DUSP10: variants seen among roughly 807,000 people sequenced by gnomAD.
The protein encoded by DUSP10 is dual specificity phosphatase 10, also known as dual specificity protein phosphatase 10.
Under a neutral mutation model 30.8 loss-of-function variants are expected in DUSP10, and 14 were observed. That is an observed-to-expected ratio of 0.46 (90% CI 0.30 to 0.71). DUSP10 has a LOEUF of 0.71. Among genes scored for constraint, DUSP10 ranks in the 30% least tolerant of loss-of-function variants. The pLI is 0.08. For synonymous variants in DUSP10, 254 were observed against 250.4 expected (o/e 1.01, Z -0.14); for missense variants, 550 against 619.4 (o/e 0.89, Z 1.19).
chr1:221,706,259 A>G lies in DUSP10; in HGVS notation c.1019T>C (p.Leu340Pro). The change falls in exon 3 of 4, where the codon CTG becomes CCG. Residue 340 changes from leucine (L) to proline (P), a missense_variant. Physicochemically the swap from Leu to Pro is moderately conservative, Grantham distance 98 (BLOSUM62 -3). Transcript: ENST00000366899. This position sits in a 1 kb window ranked among gnomAD's most constrained non-coding sequence, Gnocchi z 4.6. ...FLGNEQDAQD[L>P]DTMQRLNIGY... ...GATGTTCAGCCGCTGCATGGTGTCC[A>G]GGTCCTGAGCATCCTGCTCATTGCC... The G allele has an allele frequency of 6.2e-7, 1 of 1,614,220 alleles. No homozygotes were observed. The highest frequency in any genetic ancestry group is 8.5e-7 in the Non-Finnish European group (1 of 1,180,032).
At chr1:221,731,758 A>G (rs1247316766) in intron 2 of DUSP10, among the ~76,000 whole-genome samples, 1 of 151,594 alleles carries the variant, frequency 6.6e-6, no homozygotes, top group Admixed American at 6.6e-5. Context: ...ACAGGTGTGC[A>G]CCACCATGCC....
Position 221,721,611 on chromosome 1 carries a change from C to A in DUSP10, c.812-15145G>T, listed in dbSNP as rs993492766. Among the ~76,000 whole-genome samples, 3 of 152,128 alleles carry A rather than the reference C, an allele frequency of 2.0e-5. No individual in the cohort carries two copies. The East Asian group carries it at 5.8e-4, about 29-fold the overall frequency. ...CTCCCTTAAATGTGACAAATGGGCA[C>A]CTTCCAGGGAGGGCTGAAATCCAAG... On this transcript the variant is annotated intron_variant, in intron 2 of 3. Transcript: ENST00000366899.
rs781667034 is a variant in DUSP10 at position 221,728,883 on chromosome 1, C to T, written c.811+10051G>A. 2.0e-5 allele frequency among the ~76,000 whole-genome samples: 3 copies of T among 152,244 alleles called. No individual in the cohort carries two copies. In the South Asian group the frequency reaches 6.2e-4, roughly 32 times the overall value. On this transcript the variant is annotated intron_variant, in intron 2 of 3. Transcript: ENST00000366899. ...GTGGGTTTATTAATGTGTGCAAAAG[C>T]AGGAAATATCATCCTTCTATCCACA...
chr1:221,734,208 G>A (rs1262485873), intron 2 of DUSP10, among the ~76,000 whole-genome samples: 1 of 152,202 alleles, frequency 6.6e-6, no homozygotes, highest in Non-Finnish European at 1.5e-5. Context: ...TTATGCTTTT[G>A]TTATGGGACA....
Position 221,732,490 on chromosome 1 carries a change from G to GA in DUSP10, c.811+6443dup, listed in dbSNP as rs560896560. On this transcript the variant is annotated intron_variant, in intron 2 of 3. Transcript: ENST00000366899. ...TCTGAACTGAAATCTCAAAATTCAA[G>GA]AAAAAAGGCATCAGTACTCAAAAAA... 1.6e-3 allele frequency among the ~76,000 whole-genome samples: 237 copies of GA among 152,074 alleles called. 1 individual carries two copies. The highest frequency in any genetic ancestry group is 5.5e-3 in the African/African-American group (229 of 41,498).
At position 221,739,031 on chromosome 1, in the gene DUSP10, C is replaced by G. The variant is rs1244116331; in HGVS notation, c.714G>C (p.Glu238Asp). 6.2e-7 allele frequency: 1 copy of G among 1,614,164 alleles called. No individual in the cohort carries two copies. The highest frequency in any genetic ancestry group is 1.7e-5 in the Admixed American group (1 of 60,022). Residue 238 changes from glutamate (E) to aspartate (D), a missense_variant, in exon 2 of 4, where the codon GAG (glutamate) becomes GAC (aspartate). Coordinates refer to ENST00000366899, the MANE Select transcript of DUSP10 (RefSeq NM_007207.6). ...IFSKEIIVYD[E>D]NTNEPSRVMP... is the part of the protein sequence containing the mutation. ...TCACTCGGCTTGGTTCATTGGTATT[C>G]TCATCATAAACTATAATTTCTTTGG...
At chr1:221,737,993 C>T (rs1034575793) in intron 2 of DUSP10, among the ~76,000 whole-genome samples, 3 of 152,156 alleles carry the variant, frequency 2.0e-5, no homozygotes, top group Admixed American at 6.5e-5. Flanking sequence ...TCTCTCACTA[C>T]CACCACCAGG....
chr1:221,714,866 T>A (rs1241223490), intron 2 of DUSP10, among the ~76,000 whole-genome samples: 1 of 152,218 alleles, frequency 6.6e-6, no homozygotes. Context: ...CTATTGTTTC[T>A]CTCAGATGAT....
At position 221,704,822 on chromosome 1, in the gene DUSP10, C is replaced by T. The variant is rs116977823; in HGVS notation, c.1183+1273G>A. ...TCAATATTCCATGGTCCTGTGCTGA[C>T]GGCATAATTAGCAAGGAAAACAGCT... On this transcript the variant is annotated intron_variant, in intron 3 of 3. Transcript: ENST00000366899. 9.1e-3 allele frequency among the ~76,000 whole-genome samples: 1,390 copies of T among 152,204 alleles called. 27 individuals carry two copies. The highest frequency in any genetic ancestry group is 0.06 in the East Asian group (313 of 5,178).
rs57370939 is a variant in DUSP10, at chr1:221,710,530, T to TA, written c.812-4065dup. ...TTGGGAAACTACCATTTTAAAGATC[T>TA]AAAAAAAAAAAAATCTGCTTAATAT... is the stretch of plus-strand genomic sequence containing the variant. On this transcript the variant is annotated intron_variant, in intron 2 of 3. Coordinates refer to ENST00000366899, the MANE Select transcript of DUSP10 (RefSeq NM_007207.6). Among the ~76,000 whole-genome samples the TA allele has an allele frequency of 3.8e-3, 557 of 146,390 alleles. 5 individuals carry two copies. Among genetic ancestry groups the TA allele is most frequent in the South Asian group, 0.013 (61 of 4,596 alleles).
intron 2 of DUSP10, among the ~76,000 whole-genome samples, chr1:221,713,067 T>C (rs1660988171): frequency 6.6e-6 from 1 of 152,232 alleles, no homozygotes; most frequent in Non-Finnish European, 1.5e-5. Flanking sequence ...TGCAGGAAGA[T>C]GACCAGAGAC....
intron 2 of DUSP10, chr1:221,736,705 C>T: frequency 4.2e-6 from 3 of 714,868 alleles, no homozygotes; most frequent in South Asian, 6.3e-5. Flanking sequence ...CAATTTTAGG[C>T]CATTCTCCCA....
At chr1:221,739,845 C>T (rs1661898108) in intron 1 of DUSP10, 58 bp from the exon 2 acceptor site, 3 of 1,448,596 alleles carry the variant, frequency 2.1e-6, no homozygotes, top group East Asian at 4.8e-5. Flanking sequence ...AAAAGGCAGT[C>T]TCATCCAATC....
At chr1:221,738,058 G>A (rs143209636) in intron 2 of DUSP10, among the ~76,000 whole-genome samples, 1 of 152,208 alleles carries the variant, frequency 6.6e-6, no homozygotes, top group African/African-American at 2.4e-5. Context: ...GTATCTGAGG[G>A]CAAAGAGGTG....
intron 2 of DUSP10, among the ~76,000 whole-genome samples, chr1:221,730,728 C>T (rs184279704): frequency 2.6e-4 from 39 of 152,168 alleles, no homozygotes; most frequent in Admixed American, 8.5e-4. Flanking sequence ...CAAAAACATA[C>T]GCTCAAAGTT....
At position 221,701,735 on chromosome 1, in the gene DUSP10, T is replaced by G. The variant is rs1435183397; in HGVS notation, c.*677A>C. The G allele has an allele frequency of 2.0e-5, 3 of 152,276 alleles. No homozygotes were observed. Among genetic ancestry groups the G allele is most frequent in the African/African-American group, 7.2e-5 (3 of 41,382 alleles). The allele number at this position is 152,276 out of a possible 1,614,324, so 9.4% of individuals were successfully genotyped here. On this transcript the variant is annotated 3_prime_UTR_variant, in exon 4 of 4. Transcript: ENST00000366899. ...TGTTTGCACACTTAAAACATCATAT[T>G]ATTGCACAAGAAGCCAGTGAAGGCA...
intron 2 of DUSP10, among the ~76,000 whole-genome samples, chr1:221,716,668 G>T (rs1247009691): frequency 2.6e-5 from 4 of 152,218 alleles, no homozygotes; most frequent in Non-Finnish European, 5.9e-5. Context: ...GCTAAGAAGG[G>T]TGCCTACCAA....
At chr1:221,709,110 A>C (rs1186669665) in intron 2 of DUSP10, among the ~76,000 whole-genome samples, 1 of 152,084 alleles carries the variant, frequency 6.6e-6, no homozygotes. Flanking sequence ...CAATGACATC[A>C]GCTGGAGGCT....
At chr1:221,709,164 A>G (rs1424844983) in intron 2 of DUSP10, among the ~76,000 whole-genome samples, 1 of 152,184 alleles carries the variant, frequency 6.6e-6, no homozygotes, top group Non-Finnish European at 1.5e-5. Context: ...AAGACATACA[A>G]TGACATCAGT....
Sources: gnomAD v4.1 joint callset for allele counts (sites outside exome capture counted in the v4.1 genomes callset) on GRCh38, gnomAD v4.1.1 for gene constraint, Gnocchi (gnomAD v3.1) non-coding constraint, MANE v1.5 for transcripts, NCBI Gene and HGNC (gene_info 2026-07-23, HGNC 2026-07-21) for gene names.